Variants in PKIA observed in about 807,000 individuals in gnomAD.
PKIA encodes the protein PKI-alpha.
PKIA carries 4 observed loss-of-function variants against 7.6 expected under a neutral mutation model. That is an observed-to-expected ratio of 0.52 (90% CI 0.26 to 1.20). PKIA has a LOEUF of 1.20. Among genes scored for constraint, PKIA ranks in the 50% most tolerant of loss-of-function variants. The pLI is 0.13. For synonymous variants in PKIA, 21 were observed against 30.7 expected, an observed-to-expected ratio of 0.68 and a Z score of 1.04; for missense variants, 73 against 86.2, an observed-to-expected ratio of 0.85 and a Z score of 0.61.
At chr8:78,550,861 G>T (rs1394486658) in intron 1 of PKIA, among the ~76,000 whole-genome samples, 1 of 151,912 alleles carries the variant, frequency 6.6e-6, no homozygotes, top group Admixed American at 6.6e-5. Flanking sequence ...TCATTCTTAT[G>T]CCTTTGCATC....
intron 1 of PKIA, among the ~76,000 whole-genome samples, chr8:78,553,772 T>C (rs2118481866): frequency 6.6e-6 from 1 of 151,510 alleles, no homozygotes; most frequent in Admixed American, 6.6e-5. Context: ...TGGAAGAGGG[T>C]TAGATGACCA....
At chr8:78,551,843 G>A (rs1302533451) in intron 1 of PKIA, among the ~76,000 whole-genome samples, 1 of 151,906 alleles carries the variant, frequency 6.6e-6, no homozygotes, top group East Asian at 1.9e-4. Context: ...AAATATCTCT[G>A]TTTCCTTGGT....
intron 3 of PKIA, among the ~76,000 whole-genome samples, chr8:78,600,441 C>G (rs899808566): frequency 1.3e-5 from 2 of 152,082 alleles, no homozygotes; most frequent in Non-Finnish European, 1.5e-5. Context: ...GAAGTGTCCC[C>G]AGACATCTAG....
chr8:78,527,910 G>A (rs1452972564), intron 1 of PKIA, among the ~76,000 whole-genome samples: 2 of 151,898 alleles, frequency 1.3e-5, no homozygotes, highest in African/African-American at 2.4e-5. Context: ...TAATTTTTTA[G>A]TGTCTCACAA....
chr8:78,545,367 T>G (rs544243855), intron 1 of PKIA, among the ~76,000 whole-genome samples: 1 of 152,166 alleles, frequency 6.6e-6, no homozygotes, highest in Non-Finnish European at 1.5e-5. Flanking sequence ...CACCAAAAAT[T>G]TCATAGAAAA....
chr8:78,604,861 G>T lies in PKIA; in HGVS notation c.*3040G>T, dbSNP rs1318521989. The T allele has an allele frequency of 6.6e-6, 1 of 151,856 alleles. No homozygotes were observed. The highest frequency in any genetic ancestry group is 2.4e-5 in the African/African-American group (1 of 41,364). The allele number at this position is 151,856 out of a possible 1,614,324, so 9.4% of individuals were successfully genotyped here. A position where few individuals can be genotyped will look rare whatever the true frequency, so the allele number is the denominator to read the frequency against. On this transcript the variant is annotated 3_prime_UTR_variant, in exon 4 of 4. Transcript: ENST00000396418. ...GAAATATTTTTAAAAATAAATAACAGACATTGAAATCCAATTCTTAGATAA... is the reference window on the plus strand; with the variant it reads ...GAAATATTTTTAAAAATAAATAACATACATTGAAATCCAATTCTTAGATAA...
chr8:78,542,637 C>A (rs549000700), intron 1 of PKIA, among the ~76,000 whole-genome samples: 3 of 152,216 alleles, frequency 2.0e-5, no homozygotes, highest in African/African-American at 7.2e-5. Flanking sequence ...ATGCTAGGCA[C>A]TGATTATTTG....
At chr8:78,517,520 A>G (rs1358590311) in intron 1 of PKIA, among the ~76,000 whole-genome samples, 1 of 152,254 alleles carries the variant, frequency 6.6e-6, no homozygotes, top group Non-Finnish European at 1.5e-5. Context: ...CAAAAGGCAG[A>G]GGAGTCCGTT....
intron 1 of PKIA, among the ~76,000 whole-genome samples, chr8:78,565,232 A>G (rs1183614367): frequency 6.6e-6 from 1 of 151,920 alleles, no homozygotes. Context: ...TTTTCCTGGA[A>G]TAGAGATTAA....
intron 1 of PKIA, among the ~76,000 whole-genome samples, chr8:78,570,639 C>T (rs570097388): frequency 2.0e-5 from 3 of 152,150 alleles, no homozygotes; most frequent in East Asian, 1.9e-4. Flanking sequence ...CATTCAATGG[C>T]TTTCCATCTT....
intron 1 of PKIA, among the ~76,000 whole-genome samples, chr8:78,543,896 A>G (rs1331480970): frequency 1.3e-5 from 2 of 152,052 alleles, no homozygotes; most frequent in Admixed American, 6.6e-5. Context: ...GTTCCAACCT[A>G]TGGCTGCAGC....
intron 1 of PKIA, among the ~76,000 whole-genome samples, chr8:78,553,353 A>T (rs182550983): frequency 1.9e-3 from 294 of 152,124 alleles, no homozygotes; most frequent in Non-Finnish European, 3.6e-3. Flanking sequence ...TGGCTTTATC[A>T]AATCACTTAC....
intron 1 of PKIA, among the ~76,000 whole-genome samples, chr8:78,570,728 T>C (rs898215628): frequency 2.0e-5 from 3 of 152,162 alleles, no homozygotes; most frequent in Admixed American, 6.6e-5. Context: ...CTCTGTTGTC[T>C]TCTTTTTTTA....
chr8:78,596,368 T>C (rs1398114697), intron 2 of PKIA, among the ~76,000 whole-genome samples: 2 of 152,056 alleles, frequency 1.3e-5, no homozygotes, highest in African/African-American at 2.4e-5. Flanking sequence ...GCCTCTTGAG[T>C]AGCTGGGATT....
At chr8:78,575,812 T>G (rs1476549027) in intron 2 of PKIA, among the ~76,000 whole-genome samples, 1 of 152,004 alleles carries the variant, frequency 6.6e-6, no homozygotes, top group African/African-American at 2.4e-5. Flanking sequence ...GTATAAAACC[T>G]CAATTGGTCT....
At chr8:78,540,836 G>A (rs1344028212) in intron 1 of PKIA, among the ~76,000 whole-genome samples, 2 of 151,380 alleles carry the variant, frequency 1.3e-5, no homozygotes, top group Non-Finnish European at 2.9e-5. Context: ...TATTACATTT[G>A]AGAAAAATTA....
At chr8:78,584,421 G>C (rs878863817) in intron 2 of PKIA, among the ~76,000 whole-genome samples, 2 of 152,020 alleles carry the variant, frequency 1.3e-5, no homozygotes, top group Admixed American at 1.3e-4. Flanking sequence ...GTTTTATCCT[G>C]AGTCATTTGC....
intron 1 of PKIA, among the ~76,000 whole-genome samples, chr8:78,557,729 G>A (rs530458602): frequency 6.6e-6 from 1 of 152,282 alleles, no homozygotes. Context: ...TATTTGATGG[G>A]TATTTATGCC....
At chr8:78,536,646 A>C (rs1806530522) in intron 1 of PKIA, among the ~76,000 whole-genome samples, 1 of 152,044 alleles carries the variant, frequency 6.6e-6, no homozygotes, top group Admixed American at 6.6e-5. Flanking sequence ...TTATTACTCA[A>C]TTATTTTTCC....
Sources: gnomAD v4.1 joint callset for allele counts (sites outside exome capture counted in the v4.1 genomes callset) on GRCh38, gnomAD v4.1.1 for gene constraint, MANE v1.5 for transcripts, NCBI Gene and HGNC (gene_info 2026-07-23, HGNC 2026-07-21) for gene names.